MAD1L1: variants seen among roughly 807,000 people sequenced by gnomAD.
The protein encoded by MAD1L1 is mitotic spindle assembly checkpoint protein MAD1.
Under a neutral mutation model 96.9 loss-of-function variants are expected in MAD1L1, and 95 were observed. The ratio of observed to expected loss-of-function variants is 0.98; its 90% CI spans 0.83 to 1.16. The LOEUF is 1.16. Ranked by LOEUF, MAD1L1 falls within the 50% of genes most tolerant of loss-of-function variation. MAD1L1 has a pLI of 0.00. For synonymous variants in MAD1L1, 473 were observed against 396.6 expected, an observed-to-expected ratio of 1.19 and a Z score of -2.29; for missense variants, 1,007 against 954.4, an observed-to-expected ratio of 1.06 and a Z score of -0.73.
chr7:1,817,213 CAG>C (rs1781856904), intron 18 of MAD1L1: 1 of 152,174 alleles, frequency 6.6e-6, no homozygotes, highest in Non-Finnish European at 1.5e-5. Context: ...CGAGGGGAAT[CAG>C]ACCCTCCGCG....
intron 10 of MAD1L1, among the ~76,000 whole-genome samples, chr7:2,161,155 G>C (rs1289579474): frequency 1.6e-3 from 3 of 1,908 alleles, no homozygotes; most frequent in South Asian, 0.011. Context: ...CTCTGATGCC[G>C]AGCCGAGGCT....
intron 17 of MAD1L1, among the ~76,000 whole-genome samples, chr7:1,906,937 T>C (rs927925780): frequency 3.3e-5 from 5 of 152,202 alleles, no homozygotes; most frequent in African/African-American, 4.8e-5. Context: ...CCCGTGTTCA[T>C]CCCTGAACAT....
rs571739109 is a variant in MAD1L1 at position 2,147,241 on chromosome 7, CCAG to C, written c.1073+1908_1073+1910del. Among the ~76,000 whole-genome samples the C allele has an allele frequency of 1.9e-3, 282 of 152,312 alleles. 3 individuals carry two copies. Among genetic ancestry groups the C allele is most frequent in the Non-Finnish European group, 2.8e-3 (192 of 68,024 alleles). On this transcript the variant is annotated intron_variant, in intron 11 of 18. Coordinates refer to ENST00000265854, the MANE Select transcript of MAD1L1 (RefSeq NM_001013836.2). ...AGTCACATGACCAGCAAGGAGCAGA[CCAG>C]CCGCCCCCCAGGACCTGCAGGCAAG...
At chr7:2,046,544 G>A (rs1279600984) in intron 12 of MAD1L1, among the ~76,000 whole-genome samples, 1 of 152,144 alleles carries the variant, frequency 6.6e-6, no homozygotes, top group Non-Finnish European at 1.5e-5. Flanking sequence ...CAAGAACTGT[G>A]CAAATCCTCT....
chr7:2,056,839 T>G (rs1784407839), intron 12 of MAD1L1, among the ~76,000 whole-genome samples: 1 of 152,156 alleles, frequency 6.6e-6, no homozygotes, highest in Admixed American at 6.5e-5. Flanking sequence ...GCCCCTGGTC[T>G]TCCCACTGCA....
At chr7:1,851,261 G>C (rs1287841993) in intron 18 of MAD1L1, among the ~76,000 whole-genome samples, 1 of 152,210 alleles carries the variant, frequency 6.6e-6, no homozygotes, top group Non-Finnish European at 1.5e-5. Context: ...GCCCAGACCA[G>C]AGCCGGCAGC....
At position 1,905,456 on chromosome 7, in the gene MAD1L1, G is replaced by A. The variant is rs1385475200; in HGVS notation, c.1808-7066C>T. ...AAGCACTGTTCCAGGCAGCAAGCAC[G>A]CAGTGGCCTATGGAAGACGCTCTTG... On this transcript the variant is annotated intron_variant, in intron 17 of 18. Coordinates refer to ENST00000265854, the MANE Select transcript of MAD1L1 (RefSeq NM_001013836.2). Among the ~76,000 whole-genome samples, 38 of 149,998 alleles carry A rather than the reference G, an allele frequency of 2.5e-4. 1 individual carries two copies. Among genetic ancestry groups the A allele is most frequent in the African/African-American group, 8.9e-4 (36 of 40,420 alleles).
intron 11 of MAD1L1, among the ~76,000 whole-genome samples, chr7:2,110,018 C>T (rs975238228): frequency 6.6e-6 from 1 of 152,246 alleles, no homozygotes; most frequent in Admixed American, 6.5e-5. Context: ...CTGCGCAGGC[C>T]GGAGGTGGCC....
At chr7:2,031,514 T>C (rs909867777) in intron 12 of MAD1L1, among the ~76,000 whole-genome samples, 2 of 152,252 alleles carry the variant, frequency 1.3e-5, no homozygotes, top group South Asian at 4.1e-4. Flanking sequence ...TATGACAAAT[T>C]CCACTTCATT....
At chr7:2,210,416 G>A (rs113218142) in intron 10 of MAD1L1, among the ~76,000 whole-genome samples, 9,305 of 133,230 alleles carry the variant, frequency 0.07, 311 homozygotes, top group African/African-American at 0.13. Flanking sequence ...TCTAGGAGCC[G>A]TATTCGGGAC....
chr7:2,180,421 C>G (rs1791148257), intron 10 of MAD1L1, among the ~76,000 whole-genome samples: 2 of 152,334 alleles, frequency 1.3e-5, no homozygotes, highest in African/African-American at 4.8e-5. Context: ...GACCGAGCAT[C>G]TAGCCTAAAG....
intron 5 of MAD1L1, among the ~76,000 whole-genome samples, chr7:2,220,298 G>A (rs1793529881): frequency 6.6e-6 from 1 of 152,196 alleles, no homozygotes; most frequent in Admixed American, 6.5e-5. Context: ...AGGACAGCAG[G>A]TCTGCCTGAC....
intron 10 of MAD1L1, among the ~76,000 whole-genome samples, chr7:2,191,325 G>A (rs1053092062): frequency 1.1e-4 from 16 of 152,186 alleles, no homozygotes; most frequent in African/African-American, 4.8e-5. Context: ...ATAGCAAACA[G>A]CCCTCCTGGA....
At chr7:2,195,431 T>C (rs1435393309) in intron 10 of MAD1L1, among the ~76,000 whole-genome samples, 2 of 152,138 alleles carry the variant, frequency 1.3e-5, no homozygotes, top group South Asian at 2.1e-4. Flanking sequence ...AAGTAAAAAC[T>C]AGAAAGAGCA....
At chr7:1,950,096 G>T (rs1461269480) in intron 16 of MAD1L1, among the ~76,000 whole-genome samples, 1 of 152,196 alleles carries the variant, frequency 6.6e-6, no homozygotes, top group Non-Finnish European at 1.5e-5. Flanking sequence ...CTAGACAAAG[G>T]ACAAGGGCTC....
chr7:1,972,907 C>G lies in MAD1L1; in HGVS notation c.1505+7546G>C, dbSNP rs373383711. On this transcript the variant is annotated intron_variant, in intron 15 of 18. Transcript: ENST00000265854. Reference sequence around the variant, plus strand: ...ATTTGTACCGGGAGACCTCCTCCCCCACACGGGCAATGCAGACATGTGTTG... The same window carrying G: ...ATTTGTACCGGGAGACCTCCTCCCCGACACGGGCAATGCAGACATGTGTTG... Among the ~76,000 whole-genome samples, 10 of 152,312 alleles carry G rather than the reference C, an allele frequency of 6.6e-5. No individual in the cohort carries two copies. The East Asian group carries it at 1.2e-3, about 18-fold the overall frequency.
chr7:2,173,332 C>T (rs761662403), intron 10 of MAD1L1, among the ~76,000 whole-genome samples: 1 of 152,178 alleles, frequency 6.6e-6, no homozygotes, highest in Non-Finnish European at 1.5e-5. Flanking sequence ...CCACCATCAC[C>T]ACAGCTCTAG....
chr7:1,969,079 A>T (rs1780296738), intron 15 of MAD1L1, among the ~76,000 whole-genome samples: 1 of 152,180 alleles, frequency 6.6e-6, no homozygotes, highest in Non-Finnish European at 1.5e-5. Context: ...TGGCAATTCC[A>T]TCTTTTCAAA....
chr7:2,189,096 A>G (rs955111672), intron 10 of MAD1L1, among the ~76,000 whole-genome samples: 1 of 152,218 alleles, frequency 6.6e-6, no homozygotes, highest in Non-Finnish European at 1.5e-5. Context: ...ACTAATCATT[A>G]GGGAAATGCA....
Sources: allele counts gnomAD v4.1 joint callset (sites outside exome capture counted in the v4.1 genomes callset), GRCh38; gene constraint gnomAD v4.1.1; transcripts MANE v1.5; gene names NCBI Gene and HGNC (gene_info 2026-07-23, HGNC 2026-07-21).